Variants in NRXN3 observed in about 807,000 individuals in gnomAD.
NRXN3 encodes neurexin III.
In NRXN3, 32 loss-of-function variants were observed where a neutral mutation model predicts 137.6. The observed-to-expected ratio is 0.23, with a 90% confidence interval of 0.18 to 0.31. The LOEUF (loss-of-function observed/expected upper bound fraction) is 0.31, where lower values mean the gene tolerates loss of function less well. Among genes scored for constraint, NRXN3 ranks in the 10% least tolerant of loss-of-function variants. The pLI is 1.00. For missense variants in NRXN3, 1,574 were observed against 2,062.5 expected, an observed-to-expected ratio of 0.76 and a Z score of 4.59; for synonymous variants, 798 against 784.5, an observed-to-expected ratio of 1.02 and a Z score of -0.29.
At chr14:78,915,345 C>CAAAAAAAAAAAAAAAAAAAA (rs35908076) in intron 10 of NRXN3, among the ~76,000 whole-genome samples, 1 of 11,190 alleles carries the variant, frequency 8.9e-5, no homozygotes, top group Non-Finnish European at 1.9e-4. Flanking sequence ...ACGTGTGAAG[C>CAAAAAAAAAAAAAAAAAAAA]AAAAAAAAAA....
At chr14:79,030,973 G>A (rs1453076886) in intron 15 of NRXN3, among the ~76,000 whole-genome samples, 1 of 151,970 alleles carries the variant, frequency 6.6e-6, no homozygotes, top group East Asian at 1.9e-4. Flanking sequence ...TTGGAGAATA[G>A]CGATATGTTG....
At chr14:79,822,211 A>G (rs1431093301) in intron 20 of NRXN3, among the ~76,000 whole-genome samples, 1 of 152,160 alleles carries the variant, frequency 6.6e-6, no homozygotes, top group African/African-American at 2.4e-5. Flanking sequence ...ATCTGCCCAC[A>G]CAGAGGACAG....
At chr14:78,452,841 A>C (rs2094583574) in intron 4 of NRXN3, among the ~76,000 whole-genome samples, 3 of 152,232 alleles carry the variant, frequency 2.0e-5, no homozygotes, top group African/African-American at 7.2e-5. Context: ...TGCCAGGTGC[A>C]ATCCCAAGAT....
chr14:79,205,191 T>C (rs1002985412), intron 15 of NRXN3, among the ~76,000 whole-genome samples: 2 of 152,212 alleles, frequency 1.3e-5, no homozygotes, highest in Non-Finnish European at 2.9e-5. Flanking sequence ...CCTTAGCTGC[T>C]GCTTCGTACT....
intron 16 of NRXN3, among the ~76,000 whole-genome samples, chr14:79,500,221 T>A (rs186531057): frequency 1.5e-3 from 172 of 111,440 alleles, no homozygotes; most frequent in African/African-American, 5.7e-3. Flanking sequence ...TAATGAGATC[T>A]GGAGAAAAAG....
At chr14:79,614,880 G>T (rs1270869911) in intron 16 of NRXN3, among the ~76,000 whole-genome samples, 1 of 152,152 alleles carries the variant, frequency 6.6e-6, no homozygotes, top group African/African-American at 2.4e-5. Flanking sequence ...TGCCTAGTTA[G>T]GTATTGAAAT....
At chr14:79,767,060 T>G (rs2099058383) in intron 19 of NRXN3, among the ~76,000 whole-genome samples, 1 of 152,210 alleles carries the variant, frequency 6.6e-6, no homozygotes, top group African/African-American at 2.4e-5. Context: ...AGCCAGAACA[T>G]TAATGCAAAT....
At position 79,789,781 on chromosome 14, in the gene NRXN3, T is replaced by C. The variant is rs141140229; in HGVS notation, c.4015-15331T>C. Among the ~76,000 whole-genome samples, 278 of 152,334 alleles carry C rather than the reference T, an allele frequency of 1.8e-3. 1 individual carries two copies. The highest frequency in any genetic ancestry group is 5.2e-3 in the African/African-American group (216 of 41,582). On this transcript the variant is annotated intron_variant, in intron 19 of 20. Transcript: ENST00000335750. ...TGCAACCCGCTTTATCAGCAGGGTC[T>C]TTATGACCTGCATCTTGTGCTGACC...
chr14:78,959,273 A>G (rs1171122466), intron 11 of NRXN3, among the ~76,000 whole-genome samples: 3 of 152,192 alleles, frequency 2.0e-5, no homozygotes, highest in African/African-American at 4.8e-5. Flanking sequence ...TTAATCTTCT[A>G]TCATTCACTA....
At chr14:79,663,633 A>T (rs2153986803) in intron 16 of NRXN3, 145 bp from the exon 17 acceptor site, 1 of 696,072 alleles carries the variant, frequency 1.4e-6, no homozygotes, top group Non-Finnish European at 2.4e-6. Context: ...TCATGGAGAA[A>T]TGTAGAATGC....
chr14:78,347,506 G>A (rs374629303), intron 4 of NRXN3, among the ~76,000 whole-genome samples: 3 of 152,054 alleles, frequency 2.0e-5, no homozygotes, highest in Non-Finnish European at 4.4e-5. Flanking sequence ...CTGTTGCCAC[G>A]CTGAAATTTC....
intron 19 of NRXN3, among the ~76,000 whole-genome samples, chr14:79,699,559 C>T (rs1236986782): frequency 2.6e-5 from 4 of 151,876 alleles, no homozygotes; most frequent in Non-Finnish European, 4.4e-5. Context: ...TTTGGCTTTC[C>T]CTCCTGTAGC....
At chr14:79,207,681 A>T (rs567030204) in intron 15 of NRXN3, among the ~76,000 whole-genome samples, 6 of 152,112 alleles carry the variant, frequency 3.9e-5, no homozygotes, top group Non-Finnish European at 8.8e-5. Context: ...TCTTTCTGCC[A>T]CAACCTACCA....
chr14:79,847,697 G>A (rs1361302113), intron 20 of NRXN3, among the ~76,000 whole-genome samples: 6 of 152,142 alleles, frequency 3.9e-5, no homozygotes, highest in Admixed American at 6.5e-5. Context: ...AGGGGCTGAG[G>A]CCAAAGGGAG....
intron 19 of NRXN3, among the ~76,000 whole-genome samples, chr14:79,791,488 ATAAT>A (rs932302808): frequency 1.4e-4 from 21 of 146,478 alleles, no homozygotes; most frequent in African/African-American, 2.2e-4. Context: ...TGTAATAATT[ATAAT>A]TAATTATATA....
intron 16 of NRXN3, among the ~76,000 whole-genome samples, chr14:79,581,187 G>A (rs576841302): frequency 1.3e-5 from 2 of 152,188 alleles, no homozygotes; most frequent in East Asian, 3.9e-4. Flanking sequence ...TCAAATCACC[G>A]AGCCTTTGCA....
intron 15 of NRXN3, among the ~76,000 whole-genome samples, chr14:78,997,006 C>A (rs145671365): frequency 2.0e-3 from 310 of 152,182 alleles, no homozygotes; most frequent in Middle Eastern, 3.4e-3. Flanking sequence ...CTTTTAAGTT[C>A]CATCAATATT....
At chr14:78,985,025 C>T (rs546196732) in intron 14 of NRXN3, among the ~76,000 whole-genome samples, 2 of 152,304 alleles carry the variant, frequency 1.3e-5, no homozygotes, top group East Asian at 1.9e-4. Context: ...TTCTACATGG[C>T]CTTTGCCCCT....
chr14:79,044,698 AACACACAC>A (rs61363440), intron 15 of NRXN3, among the ~76,000 whole-genome samples: 5 of 150,210 alleles, frequency 3.3e-5, no homozygotes, highest in South Asian at 4.3e-4. Flanking sequence ...CTCAAAAGTG[AACACACAC>A]ACACACACAC....
Sources: allele counts gnomAD v4.1 joint callset (sites outside exome capture counted in the v4.1 genomes callset), GRCh38; gene constraint gnomAD v4.1.1; transcripts MANE v1.5; gene names NCBI Gene and HGNC (gene_info 2026-07-23, HGNC 2026-07-21).